Variants in SLC25A48 observed in about 807,000 individuals in gnomAD.
SLC25A48 encodes solute carrier family 25 member 48.
SLC25A48 carries 29 observed loss-of-function variants against 32.2 expected under a neutral mutation model. The ratio of observed to expected loss-of-function variants is 0.90; its 90% CI spans 0.67 to 1.23. SLC25A48 has a LOEUF of 1.23. Ranked by LOEUF, SLC25A48 falls within the 50% of genes most tolerant of loss-of-function variation. The pLI is 0.00. For synonymous variants in SLC25A48, 164 were observed against 172.3 expected (o/e 0.95, Z 0.38); for missense variants, 399 against 422.7 (o/e 0.94, Z 0.49).
rs869088370 is a variant in SLC25A48 at position 135,630,588 on chromosome 5, CTTTTTTTTTTTTT to C, written c.-709+1233_-709+1245del. On this transcript the variant is annotated intron_variant, in intron 2 of 10. Transcript: ENST00000646290. ...AGGGGAAGATGGTTAGGCTGGGCAC[CTTTTTTTTTTTTT>C]TTTTTTTTTTTTTTTTTTTTGAGAG... is the stretch of plus-strand genomic sequence containing the variant. Among the ~76,000 whole-genome samples, 228 of 58,954 alleles carry C rather than the reference CTTTTTTTTTTTTT, an allele frequency of 3.9e-3. 1 individual carries two copies. The highest frequency in any genetic ancestry group is 0.012 in the African/African-American group (201 of 16,390). 38.7% of individuals were successfully genotyped at this position (58,954 alleles called of 152,430 possible).
At chr5:135,617,273 C>T (rs762651179) in intron 1 of SLC25A48, among the ~76,000 whole-genome samples, 20 of 151,898 alleles carry the variant, frequency 1.3e-4, no homozygotes, top group Non-Finnish European at 2.5e-4. Context: ...CTCTGATGAT[C>T]TTTTGTATTT....
intron 1 of SLC25A48, among the ~76,000 whole-genome samples, chr5:135,840,588 C>T (rs1029201949): frequency 1.3e-5 from 2 of 152,204 alleles, no homozygotes; most frequent in Non-Finnish European, 1.5e-5. Flanking sequence ...TCTTCCCAGT[C>T]CTGGCAACCA....
intron 7 of SLC25A48, chr5:135,883,495 G>T (rs1034170893): frequency 4.1e-6 from 4 of 984,538 alleles, no homozygotes; most frequent in African/African-American, 1.7e-5. Context: ...GCTTCCAAGA[G>T]GCACCTGGCC....
rs564172475 is a variant in SLC25A48, at chr5:135,863,735, G to T, written c.422-7726G>T. Among the ~76,000 whole-genome samples, 3 of 152,234 alleles carry T rather than the reference G, an allele frequency of 2.0e-5. No individual in the cohort carries two copies. The South Asian group carries it at 6.2e-4, about 32-fold the overall frequency. On this transcript the variant is annotated intron_variant, in intron 4 of 7. Transcript: ENST00000681962. ...TCACATAACTATCCCTTGGGGAGGT[G>T]GGGAATTACCCCAGGCTGTGCAACT...
intron 2 of SLC25A48, among the ~76,000 whole-genome samples, chr5:135,632,609 T>A (rs1195109563): frequency 6.6e-6 from 1 of 152,192 alleles, no homozygotes; most frequent in Non-Finnish European, 1.5e-5. Context: ...TCTTCTCTAT[T>A]GTAAAAAACA....
intron 3 of SLC25A48, among the ~76,000 whole-genome samples, chr5:135,661,114 T>A (rs565339840): frequency 6.6e-6 from 1 of 152,226 alleles, no homozygotes; most frequent in East Asian, 1.9e-4. Flanking sequence ...TGGTCCCAAA[T>A]CTCTATCTTA....
chr5:135,643,253 G>T (rs1752882350), intron 3 of SLC25A48, among the ~76,000 whole-genome samples: 2 of 152,214 alleles, frequency 1.3e-5, no homozygotes, highest in Non-Finnish European at 2.9e-5. Flanking sequence ...GAGAACAGCT[G>T]CAGCCTCAGT....
chr5:135,795,129 A>G (rs763232981), intron 3 of SLC25A48, among the ~76,000 whole-genome samples: 1 of 151,784 alleles, frequency 6.6e-6, no homozygotes, highest in Non-Finnish European at 1.5e-5. Context: ...TATTGTTCCT[A>G]ACACCCTGGG....
intron 3 of SLC25A48, among the ~76,000 whole-genome samples, chr5:135,636,551 A>G (rs926674406): frequency 6.6e-6 from 1 of 152,214 alleles, no homozygotes; most frequent in African/African-American, 2.4e-5. Flanking sequence ...AGAGCAGAGA[A>G]CACCTTCCCC....
chr5:135,804,763 A>T (rs146746760), intron 3 of SLC25A48, among the ~76,000 whole-genome samples: 72 of 151,882 alleles, frequency 4.7e-4, no homozygotes, highest in Middle Eastern at 6.8e-3. Context: ...TCATAAGTGT[A>T]CACCCTGTGA....
At chr5:135,646,099 G>T (rs1363444577) in intron 3 of SLC25A48, among the ~76,000 whole-genome samples, 1 of 152,130 alleles carries the variant, frequency 6.6e-6, no homozygotes, top group African/African-American at 2.4e-5. Flanking sequence ...AAGGAAGAAA[G>T]AATTTTCCCT....
intron 1 of SLC25A48, among the ~76,000 whole-genome samples, chr5:135,625,968 G>A (rs1166760349): frequency 6.6e-6 from 1 of 152,220 alleles, no homozygotes; most frequent in Non-Finnish European, 1.5e-5. Flanking sequence ...GATGAGCTAA[G>A]TGGCCACCAC....
intron 3 of SLC25A48, among the ~76,000 whole-genome samples, chr5:135,804,710 C>T (rs1470712023): frequency 6.6e-6 from 1 of 151,326 alleles, no homozygotes; most frequent in African/African-American, 2.4e-5. Context: ...TGATATTATT[C>T]ATATCATAGA....
rs566181140 is a variant in SLC25A48, at chr5:135,692,271, A to T, written c.-521+57315A>T. Among the ~76,000 whole-genome samples the T allele has an allele frequency of 4.7e-5, 7 of 147,770 alleles. No homozygotes were observed. In the East Asian group the frequency reaches 1.4e-3, roughly 30 times the overall value. On this transcript the variant is annotated intron_variant, in intron 3 of 10. Transcript: ENST00000646290. ...AGGCAGGGGGTTGCAGTGAGCCGAG[A>T]TCACACCACTGCACTCCAGCCTGAG... is the stretch of plus-strand genomic sequence containing the variant.
chr5:135,763,693 G>A (rs1214310854), intron 3 of SLC25A48, among the ~76,000 whole-genome samples: 2 of 151,324 alleles, frequency 1.3e-5, no homozygotes, highest in Non-Finnish European at 2.9e-5. Flanking sequence ...TGTCTTTCTC[G>A]AAGCCAAAAT....
intron 3 of SLC25A48, among the ~76,000 whole-genome samples, chr5:135,799,216 T>C (rs1757260916): frequency 6.6e-6 from 1 of 151,774 alleles, no homozygotes; most frequent in Non-Finnish European, 1.5e-5. Context: ...ACTCCCAATA[T>C]TGCAGGGTGT....
At chr5:135,604,239 G>T (rs557716878) in intron 1 of SLC25A48, among the ~76,000 whole-genome samples, 1 of 152,272 alleles carries the variant, frequency 6.6e-6, no homozygotes, top group Admixed American at 6.5e-5. Flanking sequence ...ATAATTAACT[G>T]CATGAACAAG....
At chr5:135,829,111 A>G (rs554385314) in intron 4 of SLC25A48, among the ~76,000 whole-genome samples, 4 of 152,320 alleles carry the variant, frequency 2.6e-5, no homozygotes, top group African/African-American at 9.6e-5. Flanking sequence ...TGACTGCATG[A>G]TAGAGGAGAA....
At chr5:135,884,192 C>T (rs1762642121) in intron 7 of SLC25A48, among the ~76,000 whole-genome samples, 1 of 152,210 alleles carries the variant, frequency 6.6e-6, no homozygotes, top group African/African-American at 2.4e-5. Context: ...TCCCCAACCA[C>T]CCCCTGCCTT....
Sources: gnomAD v4.1 joint callset for allele counts (sites outside exome capture counted in the v4.1 genomes callset) on GRCh38, gnomAD v4.1.1 for gene constraint, MANE v1.5 for transcripts, NCBI Gene and HGNC (gene_info 2026-07-23, HGNC 2026-07-21) for gene names.